Variants in MCF2L2 observed in about 807,000 individuals in gnomAD.
The protein encoded by MCF2L2 is MCF.2 cell line derived transforming sequence-like 2.
A neutral mutation model predicts 150.2 loss-of-function variants in MCF2L2; 102 were observed. The observed-to-expected ratio is 0.68, with a 90% CI of 0.58 to 0.80. MCF2L2 has a LOEUF of 0.80. MCF2L2 is among the 30% of genes least tolerant of loss of function. The probability of loss-of-function intolerance (pLI) is 0.00; values close to 1 mark genes in which losing one functional copy is unlikely to be tolerated. For synonymous variants in MCF2L2, 465 were observed against 491.3 expected (o/e 0.95, Z 0.71); for missense variants, 1,256 against 1,372.8 (o/e 0.91, Z 1.34).
chr3:183,259,669 G>A (rs1725407410), intron 15 of MCF2L2, among the ~76,000 whole-genome samples: 1 of 152,002 alleles, frequency 6.6e-6, no homozygotes, highest in Non-Finnish European at 1.5e-5. Context: ...CCTGAGTCCG[G>A]TACTTTTTTG....
chr3:183,180,277 C>G, intron 27 of MCF2L2, 118 bp from the exon 28 acceptor site: 2 of 714,460 alleles, frequency 2.8e-6, no homozygotes, highest in Non-Finnish European at 5.0e-6. Flanking sequence ...ATCTCTAACT[C>G]CTGCTCTCCA....
chr3:183,275,449 CA>C (rs2108457045), intron 15 of MCF2L2, among the ~76,000 whole-genome samples: 1 of 152,338 alleles, frequency 6.6e-6, no homozygotes, highest in African/African-American at 2.4e-5. Flanking sequence ...AGTAGTCTTA[CA>C]GATTCTACCT....
intron 22 of MCF2L2, among the ~76,000 whole-genome samples, chr3:183,214,150 G>A (rs1722831093): frequency 6.6e-6 from 1 of 152,072 alleles, no homozygotes; most frequent in Non-Finnish European, 1.5e-5. Flanking sequence ...TTGTTTCCAG[G>A]ACATTCATTA....
chr3:183,203,999 C>G (rs1722385887), intron 25 of MCF2L2, among the ~76,000 whole-genome samples: 1 of 152,142 alleles, frequency 6.6e-6, no homozygotes, highest in Non-Finnish European at 1.5e-5. Context: ...AACAAAGATG[C>G]CAAGACCATT....
intron 15 of MCF2L2, among the ~76,000 whole-genome samples, chr3:183,275,106 TCTTCC>T (rs1727086288): frequency 6.6e-6 from 1 of 152,186 alleles, no homozygotes; most frequent in Non-Finnish European, 1.5e-5. Context: ...CTACCTCCTC[TCTTCC>T]CTTAAGCATC....
intron 15 of MCF2L2, chr3:183,253,672 G>A (rs1220623896): frequency 6.6e-6 from 1 of 152,372 alleles, no homozygotes; most frequent in East Asian, 1.9e-4. Flanking sequence ...CTCCCGCTCG[G>A]AAAGTAAAAG....
intron 22 of MCF2L2, among the ~76,000 whole-genome samples, chr3:183,213,399 A>C (rs1403111053): frequency 6.6e-6 from 1 of 152,172 alleles, no homozygotes; most frequent in Non-Finnish European, 1.5e-5. Context: ...AAAAACAAGA[A>C]AATATAAATA....
intron 26 of MCF2L2, among the ~76,000 whole-genome samples, chr3:183,193,970 G>C (rs1721997357): frequency 6.6e-6 from 1 of 152,176 alleles, no homozygotes; most frequent in South Asian, 2.1e-4. Context: ...TGGTAGATGA[G>C]GCCTGAGGGA....
At chr3:183,425,867 A>C (rs570340174) in intron 1 of MCF2L2, among the ~76,000 whole-genome samples, 1 of 152,204 alleles carries the variant, frequency 6.6e-6, no homozygotes, top group Non-Finnish European at 1.5e-5. Flanking sequence ...AGGTAGGAGA[A>C]TCGCTTGAAC....
intron 22 of MCF2L2, 109 bp from the exon 23 acceptor site, chr3:183,207,932 CAATT>C: frequency 1.2e-6 from 1 of 842,536 alleles, no homozygotes; most frequent in East Asian, 2.6e-5. Flanking sequence ...TTGAGGTTTA[CAATT>C]CTAAAAGTGC....
At chr3:183,204,068 T>G (rs1341519704) in intron 25 of MCF2L2, among the ~76,000 whole-genome samples, 3 of 152,188 alleles carry the variant, frequency 2.0e-5, no homozygotes, top group African/African-American at 7.2e-5. Context: ...GATATCCACA[T>G]GTAAAAAAAG....
intron 7 of MCF2L2, among the ~76,000 whole-genome samples, chr3:183,312,455 C>A (rs990385806): frequency 6.6e-6 from 1 of 152,152 alleles, no homozygotes; most frequent in Non-Finnish European, 1.5e-5. Flanking sequence ...TTGCCCTGAG[C>A]CTTACCCATA....
intron 2 of MCF2L2, among the ~76,000 whole-genome samples, chr3:183,383,849 C>T (rs1713677323): frequency 6.6e-6 from 1 of 152,172 alleles, no homozygotes; most frequent in Non-Finnish European, 1.5e-5. Context: ...TATAGCTACA[C>T]TACATTTCCC....
chr3:183,180,345 G>T, intron 27 of MCF2L2, 186 bp from the exon 28 acceptor site: 1 of 518,304 alleles, frequency 1.9e-6, no homozygotes, highest in South Asian at 2.9e-5. Context: ...TGCTTTTCCA[G>T]CGCCGAGATG....
chr3:183,328,203 A>G (rs1730128307), intron 5 of MCF2L2, among the ~76,000 whole-genome samples: 1 of 152,214 alleles, frequency 6.6e-6, no homozygotes, highest in Non-Finnish European at 1.5e-5. Flanking sequence ...ACCTTGCCCT[A>G]TGGATCTCAT....
chr3:183,385,398 C>T (rs551925934), intron 2 of MCF2L2, among the ~76,000 whole-genome samples: 27 of 152,134 alleles, frequency 1.8e-4, no homozygotes, highest in Non-Finnish European at 4.0e-4. Flanking sequence ...TCCATTGTTT[C>T]AGTTAGGAGC....
At chr3:183,419,792 GA>G (rs1306093791) in intron 1 of MCF2L2, among the ~76,000 whole-genome samples, 1 of 152,226 alleles carries the variant, frequency 6.6e-6, no homozygotes, top group African/African-American at 2.4e-5. Flanking sequence ...AGAATCACTT[GA>G]ACCTGGGGGG....
At chr3:183,297,359 GCTGATAC>G (rs1423594507) in intron 11 of MCF2L2, 192 bp from the exon 12 acceptor site, 2 of 550,544 alleles carry the variant, frequency 3.6e-6, no homozygotes, top group African/African-American at 3.8e-5. Flanking sequence ...ACCCAAACCA[GCTGATAC>G]CTGTCCACTT....
intron 1 of MCF2L2, among the ~76,000 whole-genome samples, chr3:183,427,017 T>C (rs1716196992): frequency 6.6e-6 from 1 of 152,224 alleles, no homozygotes; most frequent in Admixed American, 6.5e-5. Flanking sequence ...AAATAGTTCC[T>C]GGCTTTATCA....
Sources: allele counts gnomAD v4.1 joint callset (sites outside exome capture counted in the v4.1 genomes callset), GRCh38; gene constraint gnomAD v4.1.1; transcripts MANE v1.5; gene names NCBI Gene and HGNC (gene_info 2026-07-23, HGNC 2026-07-21).